Variants in DPYSL5 observed in about 807,000 individuals in gnomAD.
DPYSL5 encodes the protein dihydropyrimidinase-related protein 5.
DPYSL5 carries 9 observed loss-of-function variants against 58.4 expected under a neutral mutation model. The observed-to-expected ratio is 0.15, with a 90% confidence interval of 0.09 to 0.27. The LOEUF is 0.27. Among genes scored for constraint, DPYSL5 ranks in the 10% least tolerant of loss-of-function variants. The pLI, the probability that DPYSL5 is intolerant of heterozygous loss-of-function variation, is 1.00. For missense variants in DPYSL5, 499 were observed against 770.6 expected (o/e 0.65, Z 4.17); for synonymous variants, 293 against 301.9 (o/e 0.97, Z 0.31).
At chr2:26,875,301 G>A (rs1284152527) in intron 1 of DPYSL5, among the ~76,000 whole-genome samples, 1 of 152,216 alleles carries the variant, frequency 6.6e-6, no homozygotes. Flanking sequence ...CAGCCATTGG[G>A]TAACCCAAGT....
At chr2:26,912,844 C>T (rs1455240409) in intron 2 of DPYSL5, among the ~76,000 whole-genome samples, 1 of 152,210 alleles carries the variant, frequency 6.6e-6, no homozygotes, top group African/African-American at 2.4e-5. Flanking sequence ...GCCGCACTTA[C>T]CCCTCTGTTT....
intron 5 of DPYSL5, among the ~76,000 whole-genome samples, chr2:26,931,167 A>ATGTGTGTGTGTGTG (rs1320040908): frequency 1.8e-5 from 1 of 54,374 alleles, no homozygotes; most frequent in Non-Finnish European, 3.4e-5. Context: ...ATATATATAT[A>ATGTGTGTGTGTGTG]TATGTGTGTG....
chr2:26,921,046 G>A (rs1160956001), intron 2 of DPYSL5, among the ~76,000 whole-genome samples: 1 of 152,060 alleles, frequency 6.6e-6, no homozygotes, highest in Non-Finnish European at 1.5e-5. Flanking sequence ...TTTAAATAGG[G>A]ACCTTTGACA....
chr2:26,858,414 GC>G (rs1665932021), intron 1 of DPYSL5, among the ~76,000 whole-genome samples: 1 of 152,000 alleles, frequency 6.6e-6, no homozygotes, highest in Admixed American at 6.6e-5. Flanking sequence ...CTCGTGATCT[GC>G]CCGCCTCGGC....
At chr2:26,868,710 A>G (rs1286204128) in intron 1 of DPYSL5, among the ~76,000 whole-genome samples, 1 of 152,204 alleles carries the variant, frequency 6.6e-6, no homozygotes, top group Non-Finnish European at 1.5e-5. Flanking sequence ...CGGTGATTTC[A>G]TAGAGCATAT....
chr2:26,932,386 C>G (rs913908332), intron 6 of DPYSL5, among the ~76,000 whole-genome samples: 8 of 152,180 alleles, frequency 5.3e-5, no homozygotes, highest in African/African-American at 1.7e-4. Flanking sequence ...TCCACCCCGC[C>G]GAGCCTGCTG....
chr2:26,907,116 A>ATTTAT (rs1346622847), intron 2 of DPYSL5, among the ~76,000 whole-genome samples: 2 of 149,990 alleles, frequency 1.3e-5, no homozygotes, highest in Admixed American at 6.7e-5. Flanking sequence ...TTATTTATTT[A>ATTTAT]TTTATTTTAT....
chr2:26,943,940 G>A (rs986944155), intron 11 of DPYSL5, among the ~76,000 whole-genome samples: 1 of 152,202 alleles, frequency 6.6e-6, no homozygotes, highest in African/African-American at 2.4e-5. Flanking sequence ...AAAGGGTGTG[G>A]CTTCGTGGGA....
chr2:26,879,967 T>C (rs1663514647), intron 1 of DPYSL5, among the ~76,000 whole-genome samples: 1 of 152,118 alleles, frequency 6.6e-6, no homozygotes, highest in African/African-American at 2.4e-5. Context: ...CATGGCTCAC[T>C]GCAGCCTCGA....
At chr2:26,885,018 G>T (rs948141175) in intron 1 of DPYSL5, among the ~76,000 whole-genome samples, 1 of 152,040 alleles carries the variant, frequency 6.6e-6, no homozygotes, top group Non-Finnish European at 1.5e-5. Flanking sequence ...TGACCCACAT[G>T]GTGAAACCCC....
At chr2:26,936,229 G>A (rs1665172463) in intron 8 of DPYSL5, among the ~76,000 whole-genome samples, 1 of 152,318 alleles carries the variant, frequency 6.6e-6, no homozygotes, top group Non-Finnish European at 1.5e-5. Context: ...TTCTAGACCT[G>A]GGGGATGGGG....
chr2:26,876,952 C>T (rs931740575), intron 1 of DPYSL5, among the ~76,000 whole-genome samples: 2 of 149,776 alleles, frequency 1.3e-5, no homozygotes, highest in Non-Finnish European at 3.0e-5. Context: ...GTTACTGATT[C>T]CACAGCCACT....
intron 1 of DPYSL5, among the ~76,000 whole-genome samples, chr2:26,887,855 A>G (rs897612940): frequency 3.3e-5 from 5 of 152,184 alleles, no homozygotes; most frequent in Non-Finnish European, 5.9e-5. Flanking sequence ...ACGCGAACCC[A>G]TGAATGGTTC....
intron 1 of DPYSL5, among the ~76,000 whole-genome samples, chr2:26,896,564 A>G (rs958181272): frequency 8.5e-5 from 13 of 152,180 alleles, no homozygotes; most frequent in Non-Finnish European, 1.8e-4. Context: ...CATCTTTTTG[A>G]TAATAGTCAT....
In DPYSL5 at chr2:26,931,877, G is replaced by T. The variant is rs553871003; in HGVS notation, c.714+193G>T. ...ACAAAAATTAGCTGGGCGTGGTGGC[G>T]TGCACCTGTAATCCCAGCTACTCAG... On this transcript the variant is annotated intron_variant, in intron 6 of 12. Coordinates refer to ENST00000288699, the MANE Select transcript of DPYSL5 (RefSeq NM_020134.4). 1.3e-4 allele frequency among the ~76,000 whole-genome samples: 19 copies of T among 151,096 alleles called. No homozygotes were observed. The East Asian group carries it at 3.5e-3, about 28-fold the overall frequency.
chr2:26,899,260 C>G (rs1355271626), intron 2 of DPYSL5, among the ~76,000 whole-genome samples: 1 of 152,126 alleles, frequency 6.6e-6, no homozygotes, highest in African/African-American at 2.4e-5. Context: ...GTGGTGGGCT[C>G]TCTTTTCAGA....
Position 26,936,945 on chromosome 2 carries a change from T to TAAAAAAAAAAAAAAAAAAAAAAA in DPYSL5, c.947+2227_947+2228insAAAAAAAAAAAAAAAAAAAAAAA, listed in dbSNP as rs55795892. 1.7e-4 allele frequency among the ~76,000 whole-genome samples: 13 copies of TAAAAAAAAAAAAAAAAAAAAAAA among 77,896 alleles called. 1 individual carries two copies. Among genetic ancestry groups the TAAAAAAAAAAAAAAAAAAAAAAA allele is most frequent in the Non-Finnish European group, 1.7e-4 (7 of 40,852 alleles). 51.1% of individuals were successfully genotyped at this position (77,896 alleles called of 152,430 possible). A position where few individuals can be genotyped will look rare whatever the true frequency, so the allele number is the denominator to read the frequency against. On this transcript the variant is annotated intron_variant, in intron 8 of 12. Coordinates refer to ENST00000288699, the MANE Select transcript of DPYSL5 (RefSeq NM_020134.4). ...TGGGCAACAAGAGCAAGACTTCATT[T>TAAAAAAAAAAAAAAAAAAAAAAA]AAAAAAAAAAAAAAAAGCTTGTTTT...
In DPYSL5 at chr2:26,922,913, G is replaced by A. The variant is rs1442316504; in HGVS notation, c.262-1974G>A. Among the ~76,000 whole-genome samples the A allele has an allele frequency of 7.9e-5, 12 of 152,314 alleles. No individual in the cohort carries two copies. The East Asian group carries it at 2.1e-3, about 27-fold the overall frequency. ...TACCACCCTCTGTTGGTTGCTTTAA[G>A]CTGTGCAAGCAGTCAAACCACTGAG... is the stretch of plus-strand genomic sequence containing the variant. On this transcript the variant is annotated intron_variant, in intron 2 of 12. Coordinates refer to ENST00000288699, the MANE Select transcript of DPYSL5 (RefSeq NM_020134.4).
At chr2:26,865,425 A>G (rs935399698) in intron 1 of DPYSL5, among the ~76,000 whole-genome samples, 1 of 150,106 alleles carries the variant, frequency 6.7e-6, no homozygotes, top group East Asian at 2.0e-4. Flanking sequence ...GGTTCAAGCA[A>G]TTCTCCTGCC....
Sources: allele counts gnomAD v4.1 joint callset (sites outside exome capture counted in the v4.1 genomes callset), GRCh38; gene constraint gnomAD v4.1.1; transcripts MANE v1.5; gene names NCBI Gene and HGNC (gene_info 2026-07-23, HGNC 2026-07-21).